Variants in OPCML observed in about 807,000 individuals in gnomAD.
OPCML encodes the protein opioid-binding protein/cell adhesion molecule.
OPCML carries 13 observed loss-of-function variants against 37.8 expected under a neutral mutation model. That is an observed-to-expected ratio of 0.34 (90% CI 0.22 to 0.55). The LOEUF is 0.55. Ranked by LOEUF, OPCML falls within the 20% of genes least tolerant of loss-of-function variation. The probability of loss-of-function intolerance (pLI) is 0.91; values close to 1 mark genes in which losing one functional copy is unlikely to be tolerated. For missense variants in OPCML, 341 were observed against 435.6 expected, an observed-to-expected ratio of 0.78 and a Z score of 1.93; for synonymous variants, 176 against 168.8, an observed-to-expected ratio of 1.04 and a Z score of -0.33.
chr11:133,361,634 G>A, intron 1 of OPCML: 1 of 162,650 alleles, frequency 6.1e-6, no homozygotes, highest in South Asian at 1.3e-4. Context: ...GCTATTCCGG[G>A]GCACCTGCAG....
At chr11:133,327,769 T>C (rs1410792162) in intron 1 of OPCML, among the ~76,000 whole-genome samples, 10 of 152,140 alleles carry the variant, frequency 6.6e-5, no homozygotes, top group Admixed American at 6.5e-4. Flanking sequence ...TTCCCTGGTA[T>C]GTTGGGGTTG....
intron 2 of OPCML, among the ~76,000 whole-genome samples, chr11:132,683,009 T>C (rs574729523): frequency 1.3e-5 from 2 of 152,210 alleles, no homozygotes; most frequent in East Asian, 3.9e-4. Context: ...TATAACATTC[T>C]CATTCTAGAT....
intron 1 of OPCML, among the ~76,000 whole-genome samples, chr11:133,272,870 A>C (rs1316849234): frequency 1.3e-5 from 2 of 152,208 alleles, no homozygotes; most frequent in Admixed American, 1.3e-4. Context: ...GTTTCTACGA[A>C]GTGAGGAGTC....
chr11:132,652,379 CACACACAG>C (rs1343177645), intron 3 of OPCML, among the ~76,000 whole-genome samples: 3 of 150,706 alleles, frequency 2.0e-5, no homozygotes, highest in East Asian at 1.9e-4. Context: ...CACACACACA[CACACACAG>C]AGAGAGAAAT....
At chr11:133,095,090 G>A (rs111988189) in intron 1 of OPCML, among the ~76,000 whole-genome samples, 2,262 of 151,928 alleles carry the variant, frequency 0.015, 50 homozygotes, top group African/African-American at 0.051. Context: ...ATATGGTTGT[G>A]TCAAAGTTCA....
intron 4 of OPCML, among the ~76,000 whole-genome samples, chr11:132,517,759 G>A (rs2096283304): frequency 6.6e-6 from 1 of 152,142 alleles, no homozygotes; most frequent in South Asian, 2.1e-4. Flanking sequence ...CTTTTCATTT[G>A]CTATGATACA....
intron 4 of OPCML, among the ~76,000 whole-genome samples, chr11:132,501,448 A>G (rs11223092): frequency 0.19 from 28,574 of 152,106 alleles, 2,789 homozygotes; most frequent in Non-Finnish European, 0.2. Flanking sequence ...CTGTACTTCA[A>G]TGGCAAAATT....
intron 1 of OPCML, among the ~76,000 whole-genome samples, chr11:133,145,513 T>C (rs1295335386): frequency 6.6e-6 from 1 of 152,196 alleles, no homozygotes; most frequent in Non-Finnish European, 1.5e-5. Context: ...CTGGAAAGTT[T>C]GATAAGGTCA....
chr11:132,657,003 G>T, intron 3 of OPCML, 84 bp downstream of exon 3: 4 of 1,543,738 alleles, frequency 2.6e-6, no homozygotes, highest in Middle Eastern at 2.1e-4. Context: ...TTGTGTCTTC[G>T]CACACAGGTA....
At chr11:132,932,220 G>A (rs1354758919) in intron 2 of OPCML, among the ~76,000 whole-genome samples, 1 of 152,106 alleles carries the variant, frequency 6.6e-6, no homozygotes, top group Non-Finnish European at 1.5e-5. Flanking sequence ...AATAAGTTCT[G>A]GAGAGGGATG....
intron 1 of OPCML, among the ~76,000 whole-genome samples, chr11:133,203,781 G>A (rs1003675075): frequency 6.6e-6 from 1 of 152,064 alleles, no homozygotes; most frequent in African/African-American, 2.4e-5. Flanking sequence ...AAGGACGGCC[G>A]GGTGCCGTGG....
At chr11:133,362,902 C>T (rs548205212) in intron 1 of OPCML, among the ~76,000 whole-genome samples, 40 of 152,302 alleles carry the variant, frequency 2.6e-4, no homozygotes, top group African/African-American at 8.9e-4. Context: ...GTGGTGATGT[C>T]TGCAATAGCT....
chr11:133,241,349 A>C (rs1462646701), intron 1 of OPCML, among the ~76,000 whole-genome samples: 1 of 152,234 alleles, frequency 6.6e-6, no homozygotes, highest in African/African-American at 2.4e-5. Context: ...ATTCATGTAC[A>C]AAAATAAATA....
intron 1 of OPCML, among the ~76,000 whole-genome samples, chr11:133,362,644 T>C (rs1236374960): frequency 2.6e-5 from 4 of 152,042 alleles, no homozygotes; most frequent in Admixed American, 1.3e-4. Context: ...CTGAAGGGAA[T>C]GAGGTGAGAA....
intron 3 of OPCML, among the ~76,000 whole-genome samples, chr11:132,551,528 A>G (rs2096381704): frequency 6.6e-6 from 1 of 152,184 alleles, no homozygotes; most frequent in Admixed American, 6.5e-5. Flanking sequence ...GCTGGAGGCT[A>G]CAAGATTCTG....
At chr11:133,031,423 ATGGT>A (rs1195716685) in intron 1 of OPCML, among the ~76,000 whole-genome samples, 1 of 145,482 alleles carries the variant, frequency 6.9e-6, no homozygotes, top group Non-Finnish European at 1.5e-5. Flanking sequence ...GGATGGATGG[ATGGT>A]TGGTTGGATG....
At chr11:132,991,510 C>T (rs1002008140) in intron 1 of OPCML, among the ~76,000 whole-genome samples, 3 of 152,178 alleles carry the variant, frequency 2.0e-5, no homozygotes, top group South Asian at 2.1e-4. Context: ...GAAATATTAA[C>T]GAGCATCAAT....
chr11:132,774,983 G>T (rs1287635293), intron 2 of OPCML, among the ~76,000 whole-genome samples: 1 of 152,232 alleles, frequency 6.6e-6, no homozygotes, highest in Non-Finnish European at 1.5e-5. Context: ...ACCTGGCACA[G>T]GTGAGCATCC....
At chr11:132,476,872 G>A (rs1052604632) in intron 4 of OPCML, among the ~76,000 whole-genome samples, 7 of 151,974 alleles carry the variant, frequency 4.6e-5, no homozygotes, top group African/African-American at 1.7e-4. Context: ...TAAAAAAAGT[G>A]TTACTTCCAT....
Sources: gnomAD v4.1 joint callset for allele counts (sites outside exome capture counted in the v4.1 genomes callset) on GRCh38, gnomAD v4.1.1 for gene constraint, MANE v1.5 for transcripts, NCBI Gene and HGNC (gene_info 2026-07-23, HGNC 2026-07-21) for gene names.